PHKB: variants seen among roughly 807,000 people sequenced by gnomAD.
PHKB encodes the protein phosphorylase b kinase regulatory subunit beta.
In PHKB, 122 loss-of-function variants were observed where a neutral mutation model predicts 152.1. That is an observed-to-expected ratio of 0.80 (90% CI 0.69 to 0.93). The LOEUF is 0.93. Ranked by LOEUF, PHKB falls within the 40% of genes least tolerant of loss-of-function variation. The probability of loss-of-function intolerance (pLI) is 0.00; values close to 1 mark genes in which losing one functional copy is unlikely to be tolerated. For synonymous variants in PHKB, 436 were observed against 464.9 expected (o/e 0.94, Z 0.80); for missense variants, 1,304 against 1,328.4 (o/e 0.98, Z 0.29).
chr16:47,630,359 G>A (rs545280251), intron 14 of PHKB, among the ~76,000 whole-genome samples: 18 of 152,096 alleles, frequency 1.2e-4, no homozygotes, highest in African/African-American at 3.4e-4. Flanking sequence ...GCACATGCCT[G>A]TAATCCCAGC....
At position 47,632,985 on chromosome 16, in the gene PHKB, A is replaced by G. The variant is rs117829858; in HGVS notation, c.1459-8050A>G. 5.5e-3 allele frequency among the ~76,000 whole-genome samples: 842 copies of G among 152,328 alleles called. 6 individuals are homozygous for G. The highest frequency in any genetic ancestry group is 0.01 in the Middle Eastern group (3 of 294). ...CAGCTTATAGAGAAGTTATGCTATA[A>G]AAGTTCCTCTTCCACCGTACACTTA... is the stretch of plus-strand genomic sequence containing the variant. On this transcript the variant is annotated intron_variant, in intron 14 of 30. Transcript: ENST00000323584.
chr16:47,552,831 A>ACC (rs1567303514), intron 7 of PHKB, among the ~76,000 whole-genome samples: 1 of 149,780 alleles, frequency 6.7e-6, no homozygotes, highest in African/African-American at 2.5e-5. Context: ...ACACACACAC[A>ACC]CCAAAAAACA....
chr16:47,498,448 C>T (rs1342941958), intron 2 of PHKB, among the ~76,000 whole-genome samples: 1 of 151,984 alleles, frequency 6.6e-6, no homozygotes, highest in African/African-American at 2.4e-5. Context: ...GAGGCTGAGG[C>T]GGGTGGATCA....
chr16:47,627,457 GTTCGGTA>G (rs1477772897), intron 14 of PHKB, among the ~76,000 whole-genome samples: 1 of 152,188 alleles, frequency 6.6e-6, no homozygotes, highest in Admixed American at 6.5e-5. Flanking sequence ...GTGACAAAGC[GTTCGGTA>G]TTCTCTTCCA....
At chr16:47,593,002 G>A (rs531188132) in intron 10 of PHKB, among the ~76,000 whole-genome samples, 77 of 151,948 alleles carry the variant, frequency 5.1e-4, no homozygotes, top group African/African-American at 1.4e-3. Context: ...TGTAATCCCA[G>A]CACTTTGGGA....
chr16:47,553,078 C>T (rs1197756450), intron 7 of PHKB, among the ~76,000 whole-genome samples: 1 of 152,024 alleles, frequency 6.6e-6, no homozygotes, highest in African/African-American at 2.4e-5. Flanking sequence ...TGAATTTGTT[C>T]AGTCTTGCTA....
chr16:47,515,896 G>A (rs1055062445), intron 6 of PHKB, among the ~76,000 whole-genome samples: 27 of 151,218 alleles, frequency 1.8e-4, no homozygotes, highest in Non-Finnish European at 3.7e-4. Context: ...AACAATGAAA[G>A]CAAAATAACA....
intron 26 of PHKB, among the ~76,000 whole-genome samples, chr16:47,679,412 T>C (rs925171115): frequency 5.3e-5 from 8 of 152,214 alleles, no homozygotes; most frequent in African/African-American, 1.9e-4. Flanking sequence ...GCATGGAATG[T>C]TCTTCCATTT....
intron 26 of PHKB, among the ~76,000 whole-genome samples, chr16:47,682,160 G>A (rs1973871180): frequency 6.6e-6 from 1 of 152,158 alleles, no homozygotes; most frequent in Non-Finnish European, 1.5e-5. Flanking sequence ...CCCTTTGTGG[G>A]TTACCCGACC....
intron 12 of PHKB, among the ~76,000 whole-genome samples, chr16:47,594,829 G>C (rs1014694186): frequency 6.6e-6 from 1 of 152,098 alleles, no homozygotes; most frequent in Admixed American, 6.6e-5. Flanking sequence ...ATTTTCAAAG[G>C]AATTCCAAAT....
intron 1 of PHKB, among the ~76,000 whole-genome samples, chr16:47,490,268 A>G (rs1344762689): frequency 6.6e-6 from 1 of 152,190 alleles, no homozygotes; most frequent in Non-Finnish European, 1.5e-5. Context: ...ACTATAAACC[A>G]TCTTTTGAAA....
intron 25 of PHKB, among the ~76,000 whole-genome samples, chr16:47,668,190 T>C (rs1973572865): frequency 6.6e-6 from 1 of 152,238 alleles, no homozygotes; most frequent in African/African-American, 2.4e-5. Flanking sequence ...AAATCATGGC[T>C]TAGTCATCAT....
intron 1 of PHKB, among the ~76,000 whole-genome samples, chr16:47,461,821 G>A (rs1264461394): frequency 6.6e-6 from 1 of 152,218 alleles, no homozygotes; most frequent in East Asian, 1.9e-4. Flanking sequence ...ATCAGACCAA[G>A]TCAGATGTAA....
At position 47,589,120 on chromosome 16, in the gene PHKB, A is replaced by G; in HGVS notation, c.1068+18A>G. The G allele has an allele frequency of 6.4e-7, 1 of 1,571,806 alleles. No homozygotes were observed. The highest frequency in any genetic ancestry group is 1.7e-5 in the Admixed American group (1 of 59,804). ...AAATTAAGGTATTAAAAAATATTCC[A>G]TGGTAATCGCATATCAGAGCAATCA... On this transcript the variant is annotated intron_variant, in intron 10 of 30. Transcript: ENST00000323584.
intron 1 of PHKB, among the ~76,000 whole-genome samples, chr16:47,465,206 A>C (rs1344095282): frequency 6.6e-6 from 1 of 152,238 alleles, no homozygotes; most frequent in East Asian, 1.9e-4. Flanking sequence ...TTATCTTTGA[A>C]CTAAAAGAAC....
intron 11 of PHKB, 143 bp from the exon 12 acceptor site, chr16:47,593,994 A>ATTTT: frequency 3.3e-6 from 2 of 609,646 alleles, no homozygotes; most frequent in Admixed American, 3.0e-5. Context: ...ACAGATTTGC[A>ATTTT]TTTTTTTTCC....
At chr16:47,564,007 T>C (rs1189623297) in intron 7 of PHKB, among the ~76,000 whole-genome samples, 1 of 151,258 alleles carries the variant, frequency 6.6e-6, no homozygotes, top group Non-Finnish European at 1.5e-5. Context: ...TTTTTTTTTT[T>C]TTTTTTTGGC....
At chr16:47,648,857 T>C (rs946758449) in intron 17 of PHKB, among the ~76,000 whole-genome samples, 5 of 152,232 alleles carry the variant, frequency 3.3e-5, no homozygotes, top group Admixed American at 3.3e-4. Context: ...TATCTAATTA[T>C]AACAATATTT....
At chr16:47,547,594 G>T in intron 7 of PHKB, 46 bp downstream of exon 7, 2 of 1,038,460 alleles carry the variant, frequency 1.9e-6, no homozygotes, top group South Asian at 2.6e-5. Context: ...TAAATGTATG[G>T]AATTTGAATA....
Sources: allele counts gnomAD v4.1 joint callset (sites outside exome capture counted in the v4.1 genomes callset), GRCh38; gene constraint gnomAD v4.1.1; transcripts MANE v1.5; gene names NCBI Gene and HGNC (gene_info 2026-07-23, HGNC 2026-07-21).